Variants in RABGAP1L observed in about 807,000 individuals in gnomAD.
RABGAP1L encodes the protein rab GTPase-activating protein 1-like.
In RABGAP1L, 63 loss-of-function variants were observed where a neutral mutation model predicts 137.7. The ratio of observed to expected loss-of-function variants is 0.46; its 90% confidence interval spans 0.37 to 0.56. The LOEUF (loss-of-function observed/expected upper bound fraction) is 0.56, where lower values mean the gene tolerates loss of function less well. Among genes scored for constraint, RABGAP1L ranks in the 20% least tolerant of loss-of-function variants. The pLI is 0.00. For missense variants in RABGAP1L, 1,095 were observed against 1,244.0 expected, an observed-to-expected ratio of 0.88 and a Z score of 1.80; for synonymous variants, 431 against 433.7, an observed-to-expected ratio of 0.99 and a Z score of 0.08.
rs1031288408 is a variant in RABGAP1L at position 174,984,786 on chromosome 1, A to G, written c.2805+1881A>G. 3.3e-5 allele frequency among the ~76,000 whole-genome samples: 5 copies of G among 152,328 alleles called. No homozygotes were observed. In the East Asian group the frequency reaches 9.6e-4, roughly 29 times the overall value. On this transcript the variant is annotated intron_variant, in intron 24 of 25. Coordinates refer to ENST00000681986, the MANE Select transcript of RABGAP1L (RefSeq NM_001366446.1). ...AAAAAAAGTGCTAAGTTGGATCACA[A>G]TGACAATCAGCATTGTAGAGAAAAC...
At chr1:174,274,818 A>T (rs894752165) in intron 8 of RABGAP1L, among the ~76,000 whole-genome samples, 2 of 152,114 alleles carry the variant, frequency 1.3e-5, no homozygotes, top group African/African-American at 4.8e-5. Flanking sequence ...TAATTACCAA[A>T]TGACTGACAC....
At chr1:174,876,447 T>C (rs1006303313) in intron 19 of RABGAP1L, among the ~76,000 whole-genome samples, 7 of 152,170 alleles carry the variant, frequency 4.6e-5, no homozygotes, top group African/African-American at 2.4e-5. Context: ...CCCCTTATTT[T>C]TATTTGCTTA....
intron 13 of RABGAP1L, among the ~76,000 whole-genome samples, chr1:174,505,240 A>G (rs1226737423): frequency 2.6e-5 from 4 of 152,180 alleles, no homozygotes; most frequent in Non-Finnish European, 5.9e-5. Flanking sequence ...GATTGAGAAA[A>G]GCTATAATAT....
At position 174,311,692 on chromosome 1, in the gene RABGAP1L, C is replaced by T. The variant is rs192493964; in HGVS notation, c.1465+6565C>T. On this transcript the variant is annotated intron_variant, in intron 11 of 25. Transcript: ENST00000681986. ...TGCGATCTCAGCTCACTGCAACCTC[C>T]GCCTCTTGGGTTCAAGCGATTCTCT... Among the ~76,000 whole-genome samples the T allele has an allele frequency of 2.2e-3, 336 of 152,220 alleles. 2 individuals carry two copies. Among genetic ancestry groups the T allele is most frequent in the Non-Finnish European group, 3.6e-3 (242 of 68,000 alleles).
intron 18 of RABGAP1L, among the ~76,000 whole-genome samples, chr1:174,780,126 A>G (rs997641381): frequency 6.6e-6 from 1 of 151,820 alleles, no homozygotes; most frequent in African/African-American, 2.4e-5. Flanking sequence ...AAATTAAATA[A>G]GCCCTAATTA....
chr1:174,826,593 G>A (rs577368151), intron 19 of RABGAP1L, among the ~76,000 whole-genome samples: 1 of 152,292 alleles, frequency 6.6e-6, no homozygotes, highest in African/African-American at 2.4e-5. Flanking sequence ...GTTATGAATA[G>A]CTTTGTGGTG....
intron 19 of RABGAP1L, among the ~76,000 whole-genome samples, chr1:174,955,962 T>C (rs2149338453): frequency 6.6e-6 from 1 of 152,246 alleles, no homozygotes; most frequent in East Asian, 1.9e-4. Context: ...TTCTATAACT[T>C]TGATTGTCCA....
At chr1:174,875,673 T>G (rs1652972923) in intron 19 of RABGAP1L, 1 of 985,452 alleles carries the variant, frequency 1.0e-6, no homozygotes, top group South Asian at 4.7e-5. Flanking sequence ...AGGTTCACAG[T>G]ATCTTTTAAA....
intron 13 of RABGAP1L, among the ~76,000 whole-genome samples, chr1:174,487,608 T>C (rs528227769): frequency 1.3e-5 from 2 of 152,184 alleles, no homozygotes; most frequent in Non-Finnish European, 2.9e-5. Flanking sequence ...TTGTAGAGTT[T>C]AGTTCATTTA....
At chr1:174,931,738 G>T (rs1437165679) in intron 19 of RABGAP1L, among the ~76,000 whole-genome samples, 2 of 152,066 alleles carry the variant, frequency 1.3e-5, no homozygotes, top group Non-Finnish European at 2.9e-5. Flanking sequence ...AGCAAAAGAT[G>T]ACTTATATTT....
At chr1:174,531,436 A>G (rs1222329362) in intron 13 of RABGAP1L, among the ~76,000 whole-genome samples, 1 of 152,228 alleles carries the variant, frequency 6.6e-6, no homozygotes, top group Non-Finnish European at 1.5e-5. Context: ...TCAGATTTAG[A>G]TAAAAATAGG....
intron 11 of RABGAP1L, among the ~76,000 whole-genome samples, chr1:174,318,635 T>TCTTTCTTTCTTTCTTTCTTTC (rs1553272541): frequency 1.1e-5 from 1 of 92,170 alleles, no homozygotes; most frequent in African/African-American, 3.6e-5. Context: ...TTTCTTTCTT[T>TCTTTCTTTCTTTCTTTCTTTC]TTCTTTCTTT....
At chr1:174,340,777 G>A (rs1681902992) in intron 11 of RABGAP1L, among the ~76,000 whole-genome samples, 1 of 152,044 alleles carries the variant, frequency 6.6e-6, no homozygotes, top group African/African-American at 2.4e-5. Flanking sequence ...TATTCTTTTG[G>A]GTATATACCC....
intron 10 of RABGAP1L, among the ~76,000 whole-genome samples, chr1:174,284,808 T>TC (rs1308463278): frequency 4.7e-5 from 7 of 148,044 alleles, no homozygotes; most frequent in African/African-American, 1.5e-4. Context: ...AGCTTTTTTT[T>TC]CCCCCAAGAT....
At position 174,434,108 on chromosome 1, in the gene RABGAP1L, TACACACACACACACAC is replaced by T. The variant is rs35509787; in HGVS notation, c.1710+39992_1710+40007del. On this transcript the variant is annotated intron_variant, in intron 13 of 25. Transcript: ENST00000681986. The stretch of plus-strand genomic sequence containing the variant: ...GCACATGAGCGCATGCGTGTACACA[TACACACACACACACAC>T]ACACACACACACACACACACACACA... Among the ~76,000 whole-genome samples, 8 of 134,048 alleles carry T rather than the reference TACACACACACACACAC, an allele frequency of 6.0e-5. No homozygotes were observed. The East Asian group carries it at 6.5e-4, about 11-fold the overall frequency. The allele number at this position is 134,048 out of a possible 152,430, so 87.9% of individuals were successfully genotyped here. A position where few individuals can be genotyped will look rare whatever the true frequency, so the allele number is the denominator to read the frequency against.
rs150844157 is a variant in RABGAP1L, at chr1:174,407,297, T to G, written c.1710+13152T>G. ...TATCTTCTTTCATTTTTGTGTCTCTTTATGTTTTTTTTTTTGTCTCTCCAT... is the reference window on the plus strand; with the variant it reads ...TATCTTCTTTCATTTTTGTGTCTCTGTATGTTTTTTTTTTTGTCTCTCCAT... On this transcript the variant is annotated intron_variant, in intron 13 of 25. Transcript: ENST00000681986. Among the ~76,000 whole-genome samples, 177 of 149,290 alleles carry G rather than the reference T, an allele frequency of 1.2e-3. 1 individual carries two copies. Among genetic ancestry groups the G allele is most frequent in the African/African-American group, 4.4e-3 (173 of 39,160 alleles).
intron 13 of RABGAP1L, among the ~76,000 whole-genome samples, chr1:174,427,461 AG>A (rs1350475921): frequency 6.6e-6 from 1 of 152,118 alleles, no homozygotes; most frequent in Non-Finnish European, 1.5e-5. Flanking sequence ...TCTCTTAAAA[AG>A]GGATTTCTGT....
intron 19 of RABGAP1L, chr1:174,892,387 G>A: frequency 2.7e-6 from 1 of 372,928 alleles, no homozygotes. Flanking sequence ...TCTATTTCCA[G>A]CTCCACCACT....
intron 13 of RABGAP1L, among the ~76,000 whole-genome samples, chr1:174,598,554 T>A (rs12139146): frequency 0.03 from 4,567 of 152,254 alleles, 116 homozygotes; most frequent in Middle Eastern, 0.092. Context: ...TTCTTAGCTA[T>A]AATAATATTT....
Sources: allele counts gnomAD v4.1 joint callset (sites outside exome capture counted in the v4.1 genomes callset), GRCh38; gene constraint gnomAD v4.1.1; transcripts MANE v1.5; gene names NCBI Gene and HGNC (gene_info 2026-07-23, HGNC 2026-07-21).